VAMP7: variants seen among roughly 807,000 people sequenced by gnomAD.
VAMP7 encodes the protein vesicle associated membrane protein 7.
Under a neutral mutation model 29.6 loss-of-function variants are expected in VAMP7, and 14 were observed. The ratio of observed to expected loss-of-function variants is 0.47; its 90% CI spans 0.31 to 0.74. The LOEUF is 0.74. Ranked by LOEUF, VAMP7 falls within the 30% of genes least tolerant of loss-of-function variation. VAMP7 has a pLI of 0.05. For missense variants in VAMP7, 223 were observed against 262.4 expected, an observed-to-expected ratio of 0.85 and a Z score of 1.04; for synonymous variants, 95 against 88.1, an observed-to-expected ratio of 1.08 and a Z score of -0.44.
chrX:155,916,851 G>T (rs1276073128), intron 5 of VAMP7, among the ~76,000 whole-genome samples: 3 of 151,970 alleles, frequency 2.0e-5, no homozygotes. Flanking sequence ...TGCTCTTCTC[G>T]AGGAGTATCT....
At position 155,942,736 on chromosome X, in the gene VAMP7, C is replaced by G. The variant is rs1198872112; in HGVS notation, c.*785C>G. 6.5e-6 allele frequency: 1 copy of G among 153,116 alleles called. No individual in the cohort carries two copies. The highest frequency in any genetic ancestry group is 6.5e-5 in the Admixed American group (1 of 15,456). The allele number at this position is 153,116 out of a possible 1,614,324, so 9.5% of individuals were successfully genotyped here. ...TTCTTCTGTGAATATTTAGGGCAAT[C>G]GTGTCGCTAATAGAATATGTAGTAG... On this transcript the variant is annotated 3_prime_UTR_variant, in exon 8 of 8. Transcript: ENST00000286448.
intron 3 of VAMP7, 143 bp downstream of exon 3, chrX:155,895,823 C>T (rs1282063903): frequency 1.6e-6 from 1 of 609,346 alleles, no homozygotes; most frequent in Non-Finnish European, 3.0e-6. Flanking sequence ...GGCCACATAG[C>T]AGGAGGTGAG....
chrX:155,924,278 G>T (rs924966406), intron 6 of VAMP7, among the ~76,000 whole-genome samples: 12 of 152,200 alleles, frequency 7.9e-5, no homozygotes, highest in African/African-American at 2.9e-4. Flanking sequence ...TATTAAAATT[G>T]TGGTAAAATA....
At chrX:155,927,465 C>A (rs1168122384) in intron 6 of VAMP7, among the ~76,000 whole-genome samples, 1 of 127,060 alleles carries the variant, frequency 7.9e-6, no homozygotes, top group Non-Finnish European at 1.6e-5. Context: ...GGGGTTTCCA[C>A]AGACCTTCGA....
chrX:155,935,582 A>T (rs2066639814), intron 6 of VAMP7, among the ~76,000 whole-genome samples: 1 of 151,934 alleles, frequency 6.6e-6, no homozygotes, highest in South Asian at 2.1e-4. Flanking sequence ...TACATTGGTT[A>T]TTCTAGTTAG....
chrX:155,889,841 A>G (rs1473770106), intron 2 of VAMP7, among the ~76,000 whole-genome samples: 1 of 151,706 alleles, frequency 6.6e-6, no homozygotes, highest in Non-Finnish European at 1.5e-5. Flanking sequence ...AGAAAGATGA[A>G]ATGTTAAATG....
chrX:155,921,464 G>C (rs1314667073), intron 6 of VAMP7, among the ~76,000 whole-genome samples: 2 of 151,990 alleles, frequency 1.3e-5, no homozygotes, highest in African/African-American at 4.8e-5. Context: ...ATAGTGTTTT[G>C]CCTGTTCTTA....
chrX:155,901,285 T>C (rs1173784456), intron 5 of VAMP7, among the ~76,000 whole-genome samples: 1 of 152,078 alleles, frequency 6.6e-6, no homozygotes, highest in Non-Finnish European at 1.5e-5. Context: ...TTTCCTTTAA[T>C]TGATTTTAGT....
intron 5 of VAMP7, among the ~76,000 whole-genome samples, chrX:155,904,697 T>C (rs754584597): frequency 6.6e-6 from 1 of 152,160 alleles, no homozygotes; most frequent in South Asian, 2.1e-4. Flanking sequence ...TGTGGCCTTT[T>C]GTGTCTTCGT....
chrX:155,914,157 CTGTT>C (rs1419086618), intron 5 of VAMP7, among the ~76,000 whole-genome samples: 93 of 152,194 alleles, frequency 6.1e-4, no homozygotes, highest in African/African-American at 1.8e-3. Context: ...ATTTGGCTCT[CTGTT>C]TGTCTTTTAT....
intron 2 of VAMP7, among the ~76,000 whole-genome samples, chrX:155,894,869 GC>G (rs2065967474): frequency 1.3e-5 from 2 of 152,224 alleles, no homozygotes; most frequent in South Asian, 4.2e-4. Flanking sequence ...GCCCGCCTCA[GC>G]CTCCCAAAGT....
rs1415858521 is a variant in VAMP7, at chrX:155,943,106, A to T, written c.*1155A>T. 1 of 149,566 alleles carries T rather than the reference A, an allele frequency of 6.7e-6. No homozygotes were observed. Among genetic ancestry groups the T allele is most frequent in the South Asian group, 2.2e-4 (1 of 4,534 alleles). The allele number at this position is 149,566 out of a possible 1,614,324, so 9.3% of individuals were successfully genotyped here. ...CTGCAGTGTAAGAAAATTGGACTGT[A>T]ATCATATCGCTACTGGCATCTGTTA... On this transcript the variant is annotated 3_prime_UTR_variant, in exon 8 of 8. Transcript: ENST00000286448.
chrX:155,894,896 A>G (rs1487637667), intron 2 of VAMP7, among the ~76,000 whole-genome samples: 1 of 152,108 alleles, frequency 6.6e-6, no homozygotes, highest in Non-Finnish European at 1.5e-5. Flanking sequence ...GATTACAGGC[A>G]TGAGCCAGCC....
chrX:155,934,641 TTACTC>T (rs2066618977), intron 6 of VAMP7, among the ~76,000 whole-genome samples: 1 of 152,184 alleles, frequency 6.6e-6, no homozygotes, highest in Non-Finnish European at 1.5e-5. Flanking sequence ...TGATGGGTCT[TTACTC>T]TTTATCTAAT....
At chrX:155,934,293 A>T (rs1205188834) in intron 6 of VAMP7, among the ~76,000 whole-genome samples, 9 of 152,180 alleles carry the variant, frequency 5.9e-5, no homozygotes, top group African/African-American at 1.2e-4. Context: ...TAATGTTGAC[A>T]GTGGGGTGTT....
At chrX:155,907,914 C>T (rs1162628343) in intron 5 of VAMP7, among the ~76,000 whole-genome samples, 8 of 152,102 alleles carry the variant, frequency 5.3e-5, no homozygotes, top group African/African-American at 1.9e-4. Flanking sequence ...TCCTCACCTC[C>T]CAGAAGGGGC....
At chrX:155,912,332 C>A (rs1171098894) in intron 5 of VAMP7, among the ~76,000 whole-genome samples, 5 of 152,002 alleles carry the variant, frequency 3.3e-5, no homozygotes, top group Admixed American at 3.3e-4. Context: ...TTCAACCTGA[C>A]CCATTGCAAT....
chrX:155,930,918 T>C (rs1194472522), intron 6 of VAMP7, among the ~76,000 whole-genome samples: 1 of 151,880 alleles, frequency 6.6e-6, no homozygotes, highest in Non-Finnish European at 1.5e-5. Context: ...TGTCCAGGTG[T>C]TCTCATTGTT....
At chrX:155,902,572 G>A (rs1257648160) in intron 5 of VAMP7, among the ~76,000 whole-genome samples, 1 of 151,322 alleles carries the variant, frequency 6.6e-6, no homozygotes, top group Non-Finnish European at 1.5e-5. Context: ...AGAGTTTTTA[G>A]CATGAAGGGT....
Sources: allele counts gnomAD v4.1 joint callset (sites outside exome capture counted in the v4.1 genomes callset), GRCh38; gene constraint gnomAD v4.1.1; transcripts MANE v1.5; gene names NCBI Gene and HGNC (gene_info 2026-07-23, HGNC 2026-07-21).